Variants in RASGRF1 observed in about 807,000 individuals in gnomAD.
RASGRF1 encodes the protein ras-specific guanine nucleotide-releasing factor 1.
A neutral mutation model predicts 138.7 loss-of-function variants in RASGRF1; 40 were observed. That is an observed-to-expected ratio of 0.29 (90% CI 0.22 to 0.38). The LOEUF is 0.38. Ranked by LOEUF, RASGRF1 falls within the 10% of genes least tolerant of loss-of-function variation. The pLI, the probability that RASGRF1 is intolerant of heterozygous loss-of-function variation, is 1.00. For synonymous variants in RASGRF1, 614 were observed against 663.2 expected (o/e 0.93, Z 1.14); for missense variants, 1,108 against 1,650.4 (o/e 0.67, Z 5.69).
intron 5 of RASGRF1, among the ~76,000 whole-genome samples, chr15:79,036,747 T>C (rs2057228169): frequency 6.7e-6 from 1 of 150,248 alleles, no homozygotes. Flanking sequence ...ACAGAGGATG[T>C]GAGAGAGATA....
chr15:78,989,934 C>T (rs755936947), intron 22 of RASGRF1, among the ~76,000 whole-genome samples: 13 of 152,238 alleles, frequency 8.5e-5, no homozygotes, highest in Non-Finnish European at 1.5e-4. Context: ...CGAGCCAATG[C>T]TGGGCTGAAT....
intron 7 of RASGRF1, 123 bp downstream of exon 7, chr15:79,032,000 C>A: frequency 8.2e-7 from 1 of 1,225,772 alleles, no homozygotes; most frequent in East Asian, 2.6e-5. Flanking sequence ...CCCTGACCAC[C>A]TCCCCCGCCC....
intron 25 of RASGRF1, among the ~76,000 whole-genome samples, chr15:78,972,646 T>C (rs1473214951): frequency 6.6e-6 from 1 of 152,052 alleles, no homozygotes; most frequent in Non-Finnish European, 1.5e-5. Context: ...GGATGGTGCC[T>C]GAAAAAACCC....
rs1416583369 is a variant in RASGRF1 at position 78,973,825 on chromosome 15, C to T, written c.3495-405G>A. On this transcript the variant is annotated intron_variant, in intron 24 of 26. Transcript: ENST00000558480. This position sits in a 1 kb window ranked among gnomAD's most constrained non-coding sequence, Gnocchi z 4.9. ...CCATCCGGATCCTCCCCCGAATCACCTCCTGGAGGGCTCTGCAGCCCCAGC... is the reference window on the plus strand; with the variant it reads ...CCATCCGGATCCTCCCCCGAATCACTTCCTGGAGGGCTCTGCAGCCCCAGC... Among the ~76,000 whole-genome samples the T allele has an allele frequency of 6.6e-6, 1 of 152,176 alleles. No individual in the cohort carries two copies. The highest frequency in any genetic ancestry group is 1.5e-5 in the Non-Finnish European group (1 of 68,030).
chr15:79,007,545 G>GTTTTT (rs5813951), intron 13 of RASGRF1, among the ~76,000 whole-genome samples: 15 of 108,948 alleles, frequency 1.4e-4, no homozygotes, highest in Non-Finnish European at 2.1e-4. Flanking sequence ...GCCGTATCTA[G>GTTTTT]TTTTTTTTTT....
At chr15:78,988,776 G>A (rs527732374) in intron 22 of RASGRF1, among the ~76,000 whole-genome samples, 1 of 152,050 alleles carries the variant, frequency 6.6e-6, no homozygotes, top group African/African-American at 2.4e-5. Context: ...GGCTGGGAGT[G>A]GACCCGGCTC....
intron 1 of RASGRF1, among the ~76,000 whole-genome samples, chr15:79,089,822 AGACGATC>A (rs963654934): frequency 6.6e-6 from 1 of 152,100 alleles, no homozygotes; most frequent in Non-Finnish European, 1.5e-5. Flanking sequence ...GGTGTAGAAC[AGACGATC>A]GGGGCTATTA....
chr15:78,977,610 CT>C (rs1186786348), intron 24 of RASGRF1, among the ~76,000 whole-genome samples: 1 of 152,148 alleles, frequency 6.6e-6, no homozygotes. Context: ...GATTCTCACC[CT>C]GATTAAAGGG....
chr15:79,014,244 G>C (rs2056843559), intron 13 of RASGRF1, among the ~76,000 whole-genome samples: 1 of 152,220 alleles, frequency 6.6e-6, no homozygotes, highest in African/African-American at 2.4e-5. Context: ...CCCACTACTG[G>C]GTATCTACTC....
rs2057539231 is a variant in RASGRF1, at chr15:79,058,390, G to T, written c.475C>A (p.Gln159Lys). The change falls in exon 3 of 27, where the codon CAG becomes AAG. Residue 159 changes from glutamine to lysine, a missense_variant. By Grantham distance (53) the Gln-to-Lys change is moderately conservative. Coordinates refer to ENST00000558480, the MANE Select transcript of RASGRF1 (RefSeq NM_001145648.3). The part of the protein sequence containing the change: ...IVETEKTVAK[Q>K]LRQQIEDGEI... ...CCATCCTCGATCTGCTGCCGAAGCT[G>T]CTTGGCCACGGTCTTCTCTGTCTCC... 6.2e-7 allele frequency: 1 copy of T among 1,614,050 alleles called. No homozygotes were observed. The highest frequency in any genetic ancestry group is 1.3e-5 in the African/African-American group (1 of 74,942).
At chr15:79,086,916 A>G (rs1420225813) in intron 1 of RASGRF1, among the ~76,000 whole-genome samples, 9 of 152,218 alleles carry the variant, frequency 5.9e-5, no homozygotes, top group Non-Finnish European at 1.3e-4. Context: ...TTGGGCTTTC[A>G]GTGTGTGGGC....
intron 6 of RASGRF1, among the ~76,000 whole-genome samples, chr15:79,034,542 T>C (rs997926072): frequency 2.6e-5 from 4 of 152,090 alleles, no homozygotes; most frequent in Non-Finnish European, 4.4e-5. Context: ...CAATAAAAAA[T>C]TGGAACAACT....
intron 1 of RASGRF1, among the ~76,000 whole-genome samples, chr15:79,074,045 C>T (rs1462557679): frequency 1.3e-5 from 2 of 152,244 alleles, no homozygotes; most frequent in East Asian, 3.8e-4. Context: ...ATCTACAGCT[C>T]TGCTGGGCAG....
In RASGRF1 at chr15:78,962,234, TA is replaced by T; in HGVS notation, c.3683del (p.Val1228GlufsTer11). The T allele has an allele frequency of 6.4e-7, 1 of 1,550,554 alleles. No homozygotes were observed. Among genetic ancestry groups the T allele is most frequent in the East Asian group, 2.3e-5 (1 of 42,912 alleles). On this transcript the variant is annotated frameshift_variant and splice_region_variant, in exon 27 of 27. Transcript: ENST00000558480. LOFTEE classifies it high-confidence loss of function. ...TAYKIEHQAK[V>X]TQYLLDQSFV... Reference sequence around the variant, plus strand: ...AAGATTGGTCCAGTAAATATTGCGTTACCTGAGAAAAGAAAAGAGAAAAGGG... The same window carrying T: ...AAGATTGGTCCAGTAAATATTGCGTTCCTGAGAAAAGAAAAGAGAAAAGGG...
At chr15:79,011,482 T>C (rs1487961678) in intron 13 of RASGRF1, among the ~76,000 whole-genome samples, 3 of 152,166 alleles carry the variant, frequency 2.0e-5, no homozygotes, top group Non-Finnish European at 4.4e-5. Flanking sequence ...GAACATTCAA[T>C]ATTTATTAGG....
chr15:78,990,358 T>G (rs944059913), intron 21 of RASGRF1, 85 bp from the exon 22 acceptor site: 14 of 1,010,404 alleles, frequency 1.4e-5, no homozygotes, highest in Non-Finnish European at 2.1e-5. Flanking sequence ...ATTTTATTTT[T>G]TGGCTTTTTG....
At chr15:79,010,992 CTG>C (rs2056784558) in intron 13 of RASGRF1, among the ~76,000 whole-genome samples, 3 of 152,194 alleles carry the variant, frequency 2.0e-5, no homozygotes, top group Admixed American at 6.5e-5. Flanking sequence ...TTGACTCAGT[CTG>C]AGAGCAGGGA....
At chr15:79,011,892 TG>T (rs1696624340) in intron 13 of RASGRF1, among the ~76,000 whole-genome samples, 1 of 152,038 alleles carries the variant, frequency 6.6e-6, no homozygotes, top group African/African-American at 2.4e-5. Flanking sequence ...GGTGCACGCC[TG>T]TAGTCCCAGC....
intron 22 of RASGRF1, 154 bp from the exon 23 acceptor site, chr15:78,985,358 G>T: frequency 1.3e-6 from 1 of 775,950 alleles, no homozygotes; most frequent in Non-Finnish European, 2.0e-6. Context: ...AGGGTTGCTG[G>T]CTAAAGGTTC....
Sources: allele counts gnomAD v4.1 joint callset (sites outside exome capture counted in the v4.1 genomes callset), GRCh38; gene constraint gnomAD v4.1.1; non-coding constraint Gnocchi (gnomAD v3.1); transcripts MANE v1.5; gene names NCBI Gene and HGNC (gene_info 2026-07-23, HGNC 2026-07-21).